The following LRP1 variants were observed in gnomAD, a reference collection of about 807,000 sequenced individuals.
LRP1 encodes the protein prolow-density lipoprotein receptor-related protein 1.
In LRP1, 51 loss-of-function variants were observed where a neutral mutation model predicts 541.5. That is an observed-to-expected ratio of 0.09 (90% CI 0.08 to 0.12). The LOEUF (loss-of-function observed/expected upper bound fraction) is 0.12, where lower values mean the gene tolerates loss of function less well. Ranked by LOEUF, LRP1 falls within the 10% of genes least tolerant of loss-of-function variation. LRP1 has a pLI of 1.00. For synonymous variants in LRP1, 2,219 were observed against 2,470.8 expected (o/e 0.90, Z 3.02); for missense variants, 3,878 against 6,376.2 (o/e 0.61, Z 13.34).
rs986167156 is a variant in LRP1, at chr12:57,171,284, G to A, written c.3164-1884G>A. Among the ~76,000 whole-genome samples, 10 of 152,196 alleles carry A rather than the reference G, an allele frequency of 6.6e-5. No individual in the cohort carries two copies. The East Asian group carries it at 1.9e-3, about 29-fold the overall frequency. ...CTATTGGTAGCAGTTGTTAACTATGGTATGAGCTGGATGGTCTGGGACCAT... is the reference window on the plus strand; with the variant it reads ...CTATTGGTAGCAGTTGTTAACTATGATATGAGCTGGATGGTCTGGGACCAT... On this transcript the variant is annotated intron_variant, in intron 20 of 88. Transcript: ENST00000243077.
At chr12:57,180,005 G>A (rs1458178882) in intron 30 of LRP1, 42 bp from the exon 31 acceptor site, 1 of 1,613,632 alleles carries the variant, frequency 6.2e-7, no homozygotes, top group South Asian at 1.1e-5. Context: ...GGGCTGGGAA[G>A]AAGAGGACCC....
At chr12:57,198,855 C>T (rs888982555) in intron 60 of LRP1, among the ~76,000 whole-genome samples, 185 bp downstream of exon 60, 4 of 152,238 alleles carry the variant, frequency 2.6e-5, no homozygotes, top group African/African-American at 9.6e-5. Flanking sequence ...TGGCCACCAC[C>T]CAGCTCCCTT....
rs942230036 is a variant in LRP1 at position 57,208,945 on chromosome 12, G to T, written c.12145+128G>T. 4.7e-6 allele frequency: 5 copies of T among 1,069,068 alleles called. No individual in the cohort carries two copies. In the African/African-American group the frequency reaches 6.2e-5, roughly 13 times the overall value. The allele number at this position is 1,069,068 out of a possible 1,614,324, so 66.2% of individuals were successfully genotyped here. A position where few individuals can be genotyped will look rare whatever the true frequency, so the allele number is the denominator to read the frequency against. On this transcript the variant is annotated intron_variant, in intron 78 of 88. Transcript: ENST00000243077. Reference sequence around the variant, plus strand: ...TGGACTGGGGCAGGGCAGATTGGCCGTGGAGGCTTTTCCCGAAAGAGGTGA... The same window carrying T: ...TGGACTGGGGCAGGGCAGATTGGCCTTGGAGGCTTTTCCCGAAAGAGGTGA...
At chr12:57,131,644 G>A (rs1024020470) in intron 1 of LRP1, among the ~76,000 whole-genome samples, 25 of 152,114 alleles carry the variant, frequency 1.6e-4, no homozygotes, top group African/African-American at 5.6e-4. Context: ...CCTTTGCCTC[G>A]TTGTCTTTTA....
chr12:57,202,543 T>TGGGCGCCC lies in LRP1; in HGVS notation c.10711+6_10711+7insGGGCGCCC. 2 of 1,523,638 alleles carry TGGGCGCCC rather than the reference T, an allele frequency of 1.3e-6. No individual in the cohort carries two copies. The highest frequency in any genetic ancestry group is 1.8e-6 in the Non-Finnish European group (2 of 1,124,814). 94.4% of individuals were successfully genotyped at this position (1,523,638 alleles called of 1,614,324 possible). The stretch of plus-strand genomic sequence containing the variant: ...CTCCGATGAAGAGAGCTGCAGTACG[T>TGGGCGCCC]CCCCACCCACCCAGCCCCGCATGAG... On this transcript the variant is annotated splice_region_variant and intron_variant, in intron 68 of 88. Transcript: ENST00000243077.
chr12:57,149,362 C>CTCTCCTGGCCCGGGCCAGCCCTGTG (rs2035481195), intron 6 of LRP1: 1 of 489,620 alleles, frequency 2.0e-6, no homozygotes, highest in South Asian at 3.3e-5. Flanking sequence ...TGCTCCTCCT[C>CTCTCCTGGCCCGGGCCAGCCCTGTG]TCTCCTGGCC....
In LRP1 at chr12:57,154,197, G is replaced by T. The variant is rs753428149; in HGVS notation, c.842-11G>T. 5.6e-6 allele frequency: 9 copies of T among 1,607,728 alleles called. No homozygotes were observed. The highest frequency in any genetic ancestry group is 2.2e-5 in the East Asian group (1 of 44,730). On this transcript the variant is annotated splice_polypyrimidine_tract_variant and intron_variant, in intron 6 of 88. Coordinates refer to ENST00000243077, the MANE Select transcript of LRP1 (RefSeq NM_002332.3). This position sits in a 1 kb window ranked among gnomAD's most constrained non-coding sequence, Gnocchi z 4.6. ...ACCCCACCCCATGGCTCTTTCATTC[G>T]TACTCTCCAGACGTGGAACAGATGG... is the stretch of plus-strand genomic sequence containing the variant.
chr12:57,168,548 C>T (rs2035883010), intron 19 of LRP1, among the ~76,000 whole-genome samples: 1 of 152,196 alleles, frequency 6.6e-6, no homozygotes, highest in South Asian at 2.1e-4. Flanking sequence ...CAGTCTCCAC[C>T]ACATGTCCCA....
chr12:57,201,405 A>G lies in LRP1; in HGVS notation c.10346-92A>G. 1 of 1,525,100 alleles carries G rather than the reference A, an allele frequency of 6.6e-7. No individual in the cohort carries two copies. The highest frequency in any genetic ancestry group is 8.8e-7 in the Non-Finnish European group (1 of 1,131,894). 94.5% of individuals were successfully genotyped at this position (1,525,100 alleles called of 1,614,324 possible). A position where few individuals can be genotyped will look rare whatever the true frequency, so the allele number is the denominator to read the frequency against. On this transcript the variant is annotated intron_variant, in intron 65 of 88. Coordinates refer to ENST00000243077, the MANE Select transcript of LRP1 (RefSeq NM_002332.3). This position sits in a 1 kb window ranked among gnomAD's most constrained non-coding sequence, Gnocchi z 6.4. ...CTCCGAAGAAGTTGCTGGCAGGACC[A>G]AGGCCAGGGCTTGGAAGAGAGAGAA...
rs535914594 is a variant in LRP1 at position 57,185,778 on chromosome 12, C to T, written c.6711C>T (p.Ile2237=). 1.5e-5 allele frequency: 25 copies of T among 1,614,224 alleles called. 1 individual carries two copies. The Middle Eastern group carries it at 4.9e-4, about 32-fold the overall frequency. ...FEDPEHMKNV[I]ALAFDYRAGT... is the part of the protein sequence containing the mutation. ...ACCCTGAGCACATGAAGAACGTCAT[C>T]GCCCTGGCCTTTGACTACCGGGCAG... The change falls in exon 41 of 89, where the codon ATC becomes ATT. Residue 2237 remains isoleucine (I), a synonymous_variant. Transcript: ENST00000243077. This position sits in a 1 kb window ranked among gnomAD's most constrained non-coding sequence, Gnocchi z 4.9.
chr12:57,154,396 C>T lies in LRP1; in HGVS notation c.1004+26C>T, dbSNP rs1414691397. The T allele has an allele frequency of 6.2e-7, 1 of 1,601,764 alleles. No individual in the cohort carries two copies. The highest frequency in any genetic ancestry group is 8.5e-7 in the Non-Finnish European group (1 of 1,171,042). ...GTGAGAGTGGCAGGCGGGGTTCTGG[C>T]CCTGGAAGGTGGGAGGCTGAGGCTA... On this transcript the variant is annotated intron_variant, in intron 7 of 88. Transcript: ENST00000243077. The surrounding 1 kb of genome is among the most constrained non-coding windows in gnomAD (Gnocchi z 4.6).
rs775535257 is a variant in LRP1 at position 57,209,190 on chromosome 12, A to C, written c.12253A>C (p.Ser4085Arg). ...NGTDPIVAAD[S>R]KRGLSHPFSI... ...CACGGACCCCATTGTGGCTGCTGAC[A>C]GCAAACGAGGTCAGAGCCCGGCATA... Residue 4085 changes from serine (S) to arginine (R), a missense_variant, in exon 79 of 89, where the codon AGC becomes CGC. By Grantham distance (110) the Ser-to-Arg change is moderately radical. Coordinates refer to ENST00000243077, the MANE Select transcript of LRP1 (RefSeq NM_002332.3). 6.2e-7 allele frequency: 1 copy of C among 1,613,558 alleles called. No individual in the cohort carries two copies. Among genetic ancestry groups the C allele is most frequent in the African/African-American group, 1.3e-5 (1 of 74,918 alleles).
chr12:57,138,132 T>C (rs181676357), intron 1 of LRP1, among the ~76,000 whole-genome samples: 16 of 152,258 alleles, frequency 1.1e-4, no homozygotes, highest in African/African-American at 3.9e-4. Flanking sequence ...CACTCTGTCA[T>C]CAAAGCCAGG....
intron 67 of LRP1, 50 bp from the exon 68 acceptor site, chr12:57,202,371 A>G: frequency 7.1e-7 from 1 of 1,399,168 alleles, no homozygotes. Context: ...TTGGACCCTA[A>G]TGTCTGCCCC....
chr12:57,150,049 A>G (rs1344608394), intron 6 of LRP1: 7 of 404,198 alleles, frequency 1.7e-5, no homozygotes, highest in East Asian at 4.7e-5. Flanking sequence ...TATTTGTTCA[A>G]TGGATCAATA....
In LRP1 at chr12:57,128,659, TC is replaced by T. The variant is rs1374276857; in HGVS notation, c.-304del. 9.9e-6 allele frequency: 4 copies of T among 405,126 alleles called. No homozygotes were observed. Among genetic ancestry groups the T allele is most frequent in the Non-Finnish European group, 1.7e-5 (4 of 229,778 alleles). The allele number at this position is 405,126 out of a possible 1,614,324, so 25.1% of individuals were successfully genotyped here. On this transcript the variant is annotated 5_prime_UTR_variant, in exon 1 of 89. Coordinates refer to ENST00000243077, the MANE Select transcript of LRP1 (RefSeq NM_002332.3). Reference sequence around the variant, plus strand: ...GTGCATTTTTGCAGCCGGAGGCGGCTCCGAGATGGGGCTGTGAGCTTCGCCC... The same window carrying T: ...GTGCATTTTTGCAGCCGGAGGCGGCTCGAGATGGGGCTGTGAGCTTCGCCC...
chr12:57,167,523 T>C lies in LRP1; in HGVS notation c.2994T>C (p.Asn998=), dbSNP rs1352013237. 3 of 1,613,328 alleles carry C rather than the reference T, an allele frequency of 1.9e-6. No individual in the cohort carries two copies. The highest frequency in any genetic ancestry group is 2.5e-6 in the Non-Finnish European group (3 of 1,179,302). Residue 998 remains asparagine (N), a splice_region_variant and synonymous_variant, in exon 19 of 89, where the codon AAT becomes AAC. Coordinates refer to ENST00000243077, the MANE Select transcript of LRP1 (RefSeq NM_002332.3). The stretch of plus-strand genomic sequence containing the variant: ...TCAACATCAACTGGAGATGCGACAA[T>C]GGTAAGAGCTTGCTCTCCTCACCTG... ...RCININWRCD[N]DNDCGDNSDE...
In LRP1 at chr12:57,128,669, G is replaced by T. The variant is rs1565707783; in HGVS notation, c.-296G>T. On this transcript the variant is annotated 5_prime_UTR_variant, in exon 1 of 89. Transcript: ENST00000243077. Reference sequence around the variant, plus strand: ...GCAGCCGGAGGCGGCTCCGAGATGGGGCTGTGAGCTTCGCCCGGGGAGGGG... The same window carrying T: ...GCAGCCGGAGGCGGCTCCGAGATGGTGCTGTGAGCTTCGCCCGGGGAGGGG... 5 of 415,440 alleles carry T rather than the reference G, an allele frequency of 1.2e-5. No individual in the cohort carries two copies. Among genetic ancestry groups the T allele is most frequent in the Non-Finnish European group, 1.7e-5 (4 of 234,082 alleles). The allele number at this position is 415,440 out of a possible 1,614,324, so 25.7% of individuals were successfully genotyped here. A position where few individuals can be genotyped will look rare whatever the true frequency, so the allele number is the denominator to read the frequency against.
chr12:57,193,499 A>G, intron 46 of LRP1, 67 bp from the exon 47 acceptor site: 3 of 1,581,794 alleles, frequency 1.9e-6, no homozygotes, highest in Non-Finnish European at 2.6e-6. Flanking sequence ...CACGTGCATG[A>G]CGTCTCAGGG....
Sources: gnomAD v4.1 joint callset for allele counts (sites outside exome capture counted in the v4.1 genomes callset) on GRCh38, gnomAD v4.1.1 for gene constraint, Gnocchi (gnomAD v3.1) non-coding constraint, MANE v1.5 for transcripts, NCBI Gene and HGNC (gene_info 2026-07-23, HGNC 2026-07-21) for gene names.